Variants in MARK3 observed in about 807,000 individuals in gnomAD.
MARK3 encodes microtubule affinity regulating kinase 3.
A neutral mutation model predicts 90.1 loss-of-function variants in MARK3; 46 were observed. That is an observed-to-expected ratio of 0.51 (90% CI 0.40 to 0.65). The LOEUF is 0.65. Among genes scored for constraint, MARK3 ranks in the 30% least tolerant of loss-of-function variants. The pLI is 0.00. For missense variants in MARK3, 818 were observed against 947.2 expected (o/e 0.86, Z 1.79); for synonymous variants, 321 against 332.6 (o/e 0.97, Z 0.38).
chr14:103,405,184 G>A lies in MARK3; in HGVS notation c.160G>A (p.Gly54Arg), dbSNP rs753345526. ...CTGTGCAGATGAACAACCTCACATC[G>A]GAAACTACAGACTGTTGAAAACAAT... ...ASCADEQPHI[G>R]NYRLLKTIGK... Residue 54 changes from glycine (G) to arginine (R), a missense_variant, in exon 2 of 18, where the codon GGA (glycine) becomes AGA (arginine). Transcript: ENST00000429436. The A allele has an allele frequency of 2.2e-5, 36 of 1,600,186 alleles. No individual in the cohort carries two copies. The South Asian group carries it at 2.8e-4, about 13-fold the overall frequency.
intron 1 of MARK3, among the ~76,000 whole-genome samples, chr14:103,395,854 T>G (rs1457707123): frequency 6.6e-6 from 1 of 152,164 alleles, no homozygotes; most frequent in African/African-American, 2.4e-5. Flanking sequence ...ATTTTTCTGT[T>G]TGTTTAAGGC....
At chr14:103,419,544 T>C (rs986283513) in intron 2 of MARK3, among the ~76,000 whole-genome samples, 1 of 152,218 alleles carries the variant, frequency 6.6e-6, no homozygotes, top group Admixed American at 6.5e-5. Context: ...AATATCTGGC[T>C]TAATAGAAGT....
At chr14:103,442,369 C>A (rs370282710) in intron 3 of MARK3, among the ~76,000 whole-genome samples, 87 of 145,304 alleles carry the variant, frequency 6.0e-4, no homozygotes, top group Admixed American at 6.9e-4. Context: ...GACTCCGTCT[C>A]AAAAAAAAAA....
intron 14 of MARK3, chr14:103,491,037 A>T (rs1448827059): frequency 7.8e-7 from 1 of 1,288,786 alleles, no homozygotes; most frequent in East Asian, 5.6e-5. Context: ...GTCGATGTCC[A>T]TGTCAGCCTC....
chr14:103,413,461 C>G (rs1381227161), intron 2 of MARK3, among the ~76,000 whole-genome samples: 1 of 144,820 alleles, frequency 6.9e-6, no homozygotes, highest in East Asian at 2.0e-4. Context: ...GAGTCTGGCT[C>G]TGTCGCCCAG....
chr14:103,466,378 TGAA>T lies in MARK3; in HGVS notation c.939_941del (p.Glu313del), dbSNP rs1403606709. The T allele has an allele frequency of 1.9e-6, 3 of 1,613,882 alleles. No homozygotes were observed. The highest frequency in any genetic ancestry group is 4.5e-5 in the East Asian group (2 of 44,872). On this transcript the variant is annotated inframe_deletion, in exon 10 of 18. Transcript: ENST00000429436. ...AGGACAGGTGGATCAATGCAGGGCATGAAGAAGATGAACTCAAACCATTTGTTG... is the reference window on the plus strand; with the variant it reads ...AGGACAGGTGGATCAATGCAGGGCATGAAGATGAACTCAAACCATTTGTTG...
At chr14:103,451,564 A>T (rs964687207) in intron 4 of MARK3, among the ~76,000 whole-genome samples, 5 of 152,226 alleles carry the variant, frequency 3.3e-5, no homozygotes, top group African/African-American at 1.2e-4. Context: ...CAGTTGCTGC[A>T]GGCTGACCAC....
intron 3 of MARK3, among the ~76,000 whole-genome samples, chr14:103,447,723 T>G (rs2093030887): frequency 6.6e-6 from 1 of 152,160 alleles, no homozygotes. Flanking sequence ...CAATTTAATA[T>G]TTCTTATTCT....
rs1213441007 is a variant in MARK3, at chr14:103,466,000, A to G, written c.806A>G (p.Lys269Arg). 6.2e-7 allele frequency: 1 copy of G among 1,613,948 alleles called. No homozygotes were observed. The highest frequency in any genetic ancestry group is 1.1e-5 in the South Asian group (1 of 91,052). The change falls in exon 9 of 18, where the codon AAA (lysine) becomes AGA (arginine). Residue 269 changes from lysine (K) to arginine (R), a missense_variant. This residue lies in a region of MARK3 where 101 missense variants were observed against 175.1 expected (regional missense o/e 0.58). Transcript: ENST00000429436. ...KELRERVLRG[K>R]YRIPFYMSTD... The stretch of plus-strand genomic sequence containing the variant: ...CTGAGAGAGAGAGTATTAAGAGGGA[A>G]ATACAGAATTCCCTTCTACATGTCT...
At chr14:103,468,525 A>T (rs2141628579) in intron 12 of MARK3, among the ~76,000 whole-genome samples, 1 of 151,682 alleles carries the variant, frequency 6.6e-6, no homozygotes, top group South Asian at 2.1e-4. Context: ...GGGTTTCACC[A>T]CATTTGGCCA....
intron 1 of MARK3, among the ~76,000 whole-genome samples, chr14:103,395,458 C>T (rs1280065041): frequency 6.6e-6 from 1 of 151,950 alleles, no homozygotes; most frequent in African/African-American, 2.4e-5. Flanking sequence ...ATCAGGCATT[C>T]AGTCACTTTC....
intron 13 of MARK3, among the ~76,000 whole-genome samples, chr14:103,477,099 A>C (rs2141801399): frequency 6.6e-6 from 1 of 152,268 alleles, no homozygotes; most frequent in Middle Eastern, 3.4e-3. Flanking sequence ...CAACATTATT[A>C]TTTTCTCCCA....
intron 8 of MARK3, 29 bp downstream of exon 8, chr14:103,465,822 C>A: frequency 1.3e-6 from 2 of 1,581,304 alleles, no homozygotes; most frequent in African/African-American, 2.7e-5. Flanking sequence ...ATGTACTTCA[C>A]TAAACTAAAA....
At chr14:103,448,849 C>T in intron 3 of MARK3, 70 bp from the exon 4 acceptor site, 1 of 1,417,776 alleles carries the variant, frequency 7.1e-7, no homozygotes, top group Non-Finnish European at 9.5e-7. Flanking sequence ...ATTTATATTA[C>T]AACAGTGGAA....
At chr14:103,446,288 G>A (rs2092992583) in intron 3 of MARK3, among the ~76,000 whole-genome samples, 1 of 152,154 alleles carries the variant, frequency 6.6e-6, no homozygotes, top group South Asian at 2.1e-4. Flanking sequence ...GCACTTTGGA[G>A]GCCAAGGCAG....
rs2075470022 is a variant in MARK3 at position 103,498,485 on chromosome 14, T to TA, written c.1845-16dup. On this transcript the variant is annotated splice_polypyrimidine_tract_variant and intron_variant, in intron 15 of 17. Coordinates refer to ENST00000429436, the MANE Select transcript of MARK3 (RefSeq NM_001128918.3). Reference sequence around the variant, plus strand: ...ATTTTTGTTAATTTTTTTTTTTTTTTACTTAATTTCTTTTAGAAACATGTC... The same window carrying TA: ...ATTTTTGTTAATTTTTTTTTTTTTTTAACTTAATTTCTTTTAGAAACATGTC... 1 of 1,319,944 alleles carries TA rather than the reference T, an allele frequency of 7.6e-7. No individual in the cohort carries two copies. The highest frequency in any genetic ancestry group is 9.9e-7 in the Non-Finnish European group (1 of 1,011,626). The allele number at this position is 1,319,944 out of a possible 1,614,324, so 81.8% of individuals were successfully genotyped here.
At chr14:103,477,627 C>T (rs1431149504) in intron 13 of MARK3, among the ~76,000 whole-genome samples, 1 of 151,986 alleles carries the variant, frequency 6.6e-6, no homozygotes, top group East Asian at 1.9e-4. Flanking sequence ...GCATTTGGTA[C>T]ACTCACAGTA....
chr14:103,433,926 T>A (rs1226491177), intron 3 of MARK3, among the ~76,000 whole-genome samples: 1 of 152,186 alleles, frequency 6.6e-6, no homozygotes, highest in Non-Finnish European at 1.5e-5. Flanking sequence ...GGCTTTCACC[T>A]AGGTAAGAGT....
intron 14 of MARK3, among the ~76,000 whole-genome samples, chr14:103,483,778 C>A (rs1159286144): frequency 6.6e-6 from 1 of 152,152 alleles, no homozygotes; most frequent in African/African-American, 2.4e-5. Context: ...TGGCCAGATT[C>A]CAGGCGTGAC....
Sources: gnomAD v4.1 joint callset for allele counts (sites outside exome capture counted in the v4.1 genomes callset) on GRCh38, gnomAD v4.1.1 for gene constraint, gnomAD v4.1.1 regional missense constraint, MANE v1.5 for transcripts, NCBI Gene and HGNC (gene_info 2026-07-23, HGNC 2026-07-21) for gene names.